ADCY2: variants seen among roughly 807,000 people sequenced by gnomAD.
ADCY2 encodes the protein adenylate cyclase type 2.
ADCY2 carries 31 observed loss-of-function variants against 125.2 expected under a neutral mutation model. The ratio of observed to expected loss-of-function variants is 0.25; its 90% CI spans 0.19 to 0.33. The LOEUF (loss-of-function observed/expected upper bound fraction) is 0.33, where lower values mean the gene tolerates loss of function less well. Ranked by LOEUF, ADCY2 falls within the 10% of genes least tolerant of loss-of-function variation. The pLI, the probability that ADCY2 is intolerant of heterozygous loss-of-function variation, is 1.00. For synonymous variants in ADCY2, 512 were observed against 548.4 expected, an observed-to-expected ratio of 0.93 and a Z score of 0.93; for missense variants, 904 against 1,418.2, an observed-to-expected ratio of 0.64 and a Z score of 5.82.
At chr5:7,563,582 A>C (rs1037286578) in intron 3 of ADCY2, among the ~76,000 whole-genome samples, 1 of 152,164 alleles carries the variant, frequency 6.6e-6, no homozygotes, top group Non-Finnish European at 1.5e-5. Context: ...GTAGAGTGGA[A>C]CTTCATATAT....
intron 2 of ADCY2, among the ~76,000 whole-genome samples, chr5:7,474,361 G>T (rs747858538): frequency 1.3e-5 from 2 of 152,136 alleles, no homozygotes; most frequent in Non-Finnish European, 2.9e-5. Context: ...AAGCAATAAT[G>T]CAATGAAGGG....
chr5:7,757,319 A>T, intron 15 of ADCY2, 130 bp from the exon 16 acceptor site: 1 of 1,174,814 alleles, frequency 8.5e-7, no homozygotes, highest in Non-Finnish European at 1.2e-6. Flanking sequence ...TCCCCAGGGG[A>T]GGATAGAATC....
At chr5:7,690,957 GGGGAAAT>G (rs1740684220) in intron 5 of ADCY2, 118 bp downstream of exon 5, 1 of 1,212,472 alleles carries the variant, frequency 8.2e-7, no homozygotes. Flanking sequence ...ATCCTTTGCA[GGGGAAAT>G]AATCACACAG....
intron 3 of ADCY2, among the ~76,000 whole-genome samples, chr5:7,547,693 CACGCA>C (rs1737663517): frequency 6.6e-6 from 1 of 152,220 alleles, no homozygotes. Context: ...TCAGGGTTGA[CACGCA>C]ACGTTTTGTA....
chr5:7,808,323 T>G (rs1406684399), intron 22 of ADCY2, among the ~76,000 whole-genome samples: 1 of 152,224 alleles, frequency 6.6e-6, no homozygotes, highest in African/African-American at 2.4e-5. Context: ...GCAGGGCCTT[T>G]AAATGATCAC....
intron 2 of ADCY2, among the ~76,000 whole-genome samples, chr5:7,499,648 G>GATATATATATATAT (rs70940741): frequency 1.2e-3 from 140 of 118,354 alleles, no homozygotes; most frequent in Non-Finnish European, 1.8e-3. Flanking sequence ...TATGTGGGTG[G>GATATATATATATAT]ATATATATAT....
intron 3 of ADCY2, among the ~76,000 whole-genome samples, chr5:7,580,874 A>G (rs1233576369): frequency 6.6e-6 from 1 of 152,240 alleles, no homozygotes; most frequent in Non-Finnish European, 1.5e-5. Context: ...GACTGTTGAC[A>G]CTTCATCAGA....
intron 4 of ADCY2, among the ~76,000 whole-genome samples, chr5:7,662,974 T>C (rs1272671615): frequency 1.1e-4 from 15 of 142,048 alleles, no homozygotes; most frequent in Non-Finnish European, 1.9e-4. Flanking sequence ...TGCTTCTTTA[T>C]GTCTGCAGTG....
At chr5:7,703,297 C>G (rs1741151241) in intron 7 of ADCY2, among the ~76,000 whole-genome samples, 1 of 152,144 alleles carries the variant, frequency 6.6e-6, no homozygotes, top group African/African-American at 2.4e-5. Context: ...GAAGTTCTTG[C>G]CCATGCCTAT....
chr5:7,769,856 T>C (rs111517869), intron 17 of ADCY2, among the ~76,000 whole-genome samples: 2,797 of 152,304 alleles, frequency 0.018, 91 homozygotes, highest in African/African-American at 0.064. Context: ...TTGGTTTCAA[T>C]GATTAGGTCA....
At chr5:7,592,543 GA>G (rs34665439) in intron 3 of ADCY2, among the ~76,000 whole-genome samples, 1,845 of 149,876 alleles carry the variant, frequency 0.012, 30 homozygotes, top group African/African-American at 0.042. Flanking sequence ...AGGGGAACTG[GA>G]AAAAAAAATG....
intron 4 of ADCY2, among the ~76,000 whole-genome samples, chr5:7,680,787 T>C (rs1740302904): frequency 6.6e-6 from 1 of 152,206 alleles, no homozygotes; most frequent in South Asian, 2.1e-4. Flanking sequence ...TTTATTTTTG[T>C]CAGGTAGTGG....
chr5:7,785,198 C>CTG (rs1744043987), intron 19 of ADCY2, among the ~76,000 whole-genome samples: 1 of 152,224 alleles, frequency 6.6e-6, no homozygotes. Flanking sequence ...TCCATTAAAT[C>CTG]TGCCCAATAT....
intron 1 of ADCY2, among the ~76,000 whole-genome samples, chr5:7,403,996 A>T (rs898507430): frequency 1.3e-5 from 2 of 151,608 alleles, no homozygotes; most frequent in Admixed American, 1.3e-4. Context: ...AAGCGCTGTA[A>T]TAAGTATTGT....
intron 3 of ADCY2, among the ~76,000 whole-genome samples, chr5:7,614,012 A>T (rs1737665507): frequency 6.6e-6 from 1 of 152,244 alleles, no homozygotes; most frequent in South Asian, 2.1e-4. Flanking sequence ...CACTGGGAGG[A>T]CAGGCTTTGA....
chr5:7,775,995 C>T (rs909988985), intron 18 of ADCY2, among the ~76,000 whole-genome samples: 20 of 152,120 alleles, frequency 1.3e-4, no homozygotes, highest in South Asian at 2.1e-4. Flanking sequence ...AGAAGCCCCC[C>T]GATTTCTCCA....
At chr5:7,774,727 T>C (rs1254764246) in intron 18 of ADCY2, among the ~76,000 whole-genome samples, 1 of 152,200 alleles carries the variant, frequency 6.6e-6, no homozygotes, top group African/African-American at 2.4e-5. Flanking sequence ...GGTTTGTCTT[T>C]GCAATGACCT....
chr5:7,514,658 A>T (rs992390334), intron 2 of ADCY2, among the ~76,000 whole-genome samples: 3 of 152,222 alleles, frequency 2.0e-5, no homozygotes, highest in African/African-American at 7.2e-5. Context: ...ATGAAGTCAT[A>T]CTGGATTTAG....
intron 2 of ADCY2, among the ~76,000 whole-genome samples, chr5:7,471,114 A>T (rs1742318549): frequency 6.6e-6 from 1 of 151,858 alleles, no homozygotes; most frequent in African/African-American, 2.4e-5. Context: ...TATCTTTTTT[A>T]AAATTTTTTA....
Sources: allele counts gnomAD v4.1 joint callset (sites outside exome capture counted in the v4.1 genomes callset), GRCh38; gene constraint gnomAD v4.1.1; transcripts MANE v1.5; gene names NCBI Gene and HGNC (gene_info 2026-07-23, HGNC 2026-07-21).